Variants in GALNT2 observed in about 807,000 individuals in gnomAD.
The protein encoded by GALNT2 is polypeptide N-acetylgalactosaminyltransferase 2, also known as UDP-GalNAc:polypeptide N-acetylgalactosaminyltransferase 2.
A neutral mutation model predicts 81.4 loss-of-function variants in GALNT2; 31 were observed. The observed-to-expected ratio is 0.38, with a 90% CI of 0.29 to 0.51. The LOEUF (loss-of-function observed/expected upper bound fraction) is 0.51. GALNT2 is among the 20% of genes least tolerant of loss of function. GALNT2 has a pLI of 0.87. For missense variants in GALNT2, 629 were observed against 765.7 expected (o/e 0.82, Z 2.11); for synonymous variants, 303 against 287.4 (o/e 1.05, Z -0.55).
At chr1:230,112,800 T>TGGGGGGGGGGGGGGGG (rs200649766) in intron 1 of GALNT2, among the ~76,000 whole-genome samples, 3 of 75,958 alleles carry the variant, frequency 3.9e-5, no homozygotes, top group Non-Finnish European at 7.8e-5. Context: ...GGCAGGGGGG[T>TGGGGGGGGGGGGGGGG]GGGGGGGACC....
intron 8 of GALNT2, 46 bp downstream of exon 8, chr1:230,246,196 C>A: frequency 7.4e-7 from 1 of 1,347,282 alleles, no homozygotes; most frequent in Non-Finnish European, 1.1e-6. Context: ...CCCGTCTACA[C>A]CAGCATCTGA....
chr1:230,111,175 C>T (rs1263780154), intron 1 of GALNT2, among the ~76,000 whole-genome samples: 1 of 152,232 alleles, frequency 6.6e-6, no homozygotes, highest in Non-Finnish European at 1.5e-5. Context: ...AGCACACATG[C>T]ACACATGCAG....
rs747095568 is a variant in GALNT2, at chr1:230,279,333, C to T, written c.1591C>T (p.Leu531=). The change falls in exon 16 of 16, where the codon CTG becomes TTG. Residue 531 remains leucine, a synonymous_variant. Transcript: ENST00000366672. This position sits in a 1 kb window ranked among gnomAD's most constrained non-coding sequence, Gnocchi z 4.6. ...GGAACAGATCGAGGGCAACTCCAAGCTGAGGCACGTGGGCAGCAACCTGTG... is the reference window on the plus strand; with the variant it reads ...GGAACAGATCGAGGGCAACTCCAAGTTGAGGCACGTGGGCAGCAACCTGTG... ...KWEQIEGNSK[L]RHVGSNLCLD... is the part of the protein sequence containing the mutation. 3.5e-5 allele frequency: 57 copies of T among 1,614,024 alleles called. No individual in the cohort carries two copies. The South Asian group carries it at 5.9e-4, about 17-fold the overall frequency.
chr1:230,138,949 G>A (rs1661641040), intron 1 of GALNT2, among the ~76,000 whole-genome samples: 1 of 152,194 alleles, frequency 6.6e-6, no homozygotes, highest in South Asian at 2.1e-4. Flanking sequence ...CTGACCTCTT[G>A]TCTTATCCTG....
chr1:230,098,819 A>T (rs1660322335), intron 1 of GALNT2, among the ~76,000 whole-genome samples: 1 of 152,186 alleles, frequency 6.6e-6, no homozygotes, highest in African/African-American at 2.4e-5. Flanking sequence ...AGCATCCAAG[A>T]TGGAGTTGCT....
At chr1:230,110,858 A>G (rs1660682118) in intron 1 of GALNT2, among the ~76,000 whole-genome samples, 1 of 152,016 alleles carries the variant, frequency 6.6e-6, no homozygotes, top group South Asian at 2.1e-4. Flanking sequence ...TGGAGTATAT[A>G]GTTTCCTCTG....
intron 15 of GALNT2, 88 bp downstream of exon 15, chr1:230,274,652 C>A: frequency 2.0e-6 from 3 of 1,497,304 alleles, no homozygotes; most frequent in South Asian, 2.6e-5. Context: ...TGCTGCCTCT[C>A]AAAGCATCCA....
At chr1:230,228,560 G>GA (rs774507443) in intron 3 of GALNT2, among the ~76,000 whole-genome samples, 30 of 150,552 alleles carry the variant, frequency 2.0e-4, no homozygotes, top group East Asian at 5.9e-4. Flanking sequence ...TATCTACACA[G>GA]AAAAAAAAAG....
rs992122675 is a variant in GALNT2 at position 230,279,128 on chromosome 1, G to A, written c.1561-175G>A. ...TCCTTCCTGGGTCCCAGCAGCACCT[G>A]TGGCTGGTTTCCTGTGGGGCTGCTG... On this transcript the variant is annotated intron_variant, in intron 15 of 15. Coordinates refer to ENST00000366672, the MANE Select transcript of GALNT2 (RefSeq NM_004481.5). The surrounding 1 kb of genome is among the most constrained non-coding windows in gnomAD (Gnocchi z 4.6). Among the ~76,000 whole-genome samples the A allele has an allele frequency of 6.6e-6, 1 of 152,248 alleles. No individual in the cohort carries two copies. Among genetic ancestry groups the A allele is most frequent in the African/African-American group, 2.4e-5 (1 of 41,472 alleles).
At chr1:230,129,980 G>A (rs530026640) in intron 1 of GALNT2, among the ~76,000 whole-genome samples, 1 of 152,332 alleles carries the variant, frequency 6.6e-6, no homozygotes, top group African/African-American at 2.4e-5. Flanking sequence ...ACGCTGAACG[G>A]GCACAATTGC....
chr1:230,117,936 C>T (rs944832030), intron 1 of GALNT2, among the ~76,000 whole-genome samples: 2 of 152,134 alleles, frequency 1.3e-5, no homozygotes, highest in African/African-American at 4.8e-5. Context: ...TGAAAGCATC[C>T]GCCTCACTCT....
At chr1:230,173,708 G>A (rs1662868750) in intron 1 of GALNT2, among the ~76,000 whole-genome samples, 1 of 152,220 alleles carries the variant, frequency 6.6e-6, no homozygotes, top group Non-Finnish European at 1.5e-5. Context: ...GCACAGCCAG[G>A]ATACCAGTGG....
intron 6 of GALNT2, among the ~76,000 whole-genome samples, chr1:230,240,245 A>G (rs760091997): frequency 2.6e-5 from 4 of 152,160 alleles, no homozygotes; most frequent in South Asian, 2.1e-4. Flanking sequence ...ATTGGAGGCT[A>G]TTTTCTTTCA....
At chr1:230,206,299 A>G (rs1271082715) in intron 3 of GALNT2, among the ~76,000 whole-genome samples, 2 of 152,140 alleles carry the variant, frequency 1.3e-5, no homozygotes, top group Non-Finnish European at 2.9e-5. Flanking sequence ...AGTTTTTGAA[A>G]TATGAGTTTG....
intron 3 of GALNT2, among the ~76,000 whole-genome samples, chr1:230,227,463 A>ATATATATATATGCTATATAATACAGC (rs1190536868): frequency 2.0e-5 from 3 of 149,560 alleles, no homozygotes; most frequent in African/African-American, 7.3e-5. Flanking sequence ...TAATACAGCT[A>ATATATATATATGCTATATAATACAGC]TATATATATA....
chr1:230,211,347 C>T (rs558805383), intron 3 of GALNT2, among the ~76,000 whole-genome samples: 278 of 152,334 alleles, frequency 1.8e-3, no homozygotes, highest in Middle Eastern at 6.8e-3. Context: ...CTTAGCTGTT[C>T]TGGCTTTGTT....
At chr1:230,098,416 GT>G (rs1660311365) in intron 1 of GALNT2, among the ~76,000 whole-genome samples, 1 of 151,982 alleles carries the variant, frequency 6.6e-6, no homozygotes, top group Admixed American at 6.6e-5. Flanking sequence ...ATTGAACACT[GT>G]TTTGCGAAAG....
intron 1 of GALNT2, among the ~76,000 whole-genome samples, chr1:230,128,703 G>A (rs935883186): frequency 6.6e-6 from 1 of 152,180 alleles, no homozygotes; most frequent in Non-Finnish European, 1.5e-5. Context: ...GAGCCTGAGT[G>A]TTGGCTGGGA....
In GALNT2 at chr1:230,271,170, G is replaced by C. The variant is rs1666150474; in HGVS notation, c.1441-3275G>C. Among the ~76,000 whole-genome samples, 1 of 152,180 alleles carries C rather than the reference G, an allele frequency of 6.6e-6. No homozygotes were observed. The highest frequency in any genetic ancestry group is 1.5e-5 in the Non-Finnish European group (1 of 68,034). ...GTGTACCACAGTTTCACACATCCTGGTGGTGTCCCCAGCCCCTGTGAGTGC... is the reference window on the plus strand; with the variant it reads ...GTGTACCACAGTTTCACACATCCTGCTGGTGTCCCCAGCCCCTGTGAGTGC... On this transcript the variant is annotated intron_variant, in intron 14 of 15. Transcript: ENST00000366672. This position sits in a 1 kb window ranked among gnomAD's most constrained non-coding sequence, Gnocchi z 4.2.
Sources: allele counts gnomAD v4.1 joint callset (sites outside exome capture counted in the v4.1 genomes callset), GRCh38; gene constraint gnomAD v4.1.1; non-coding constraint Gnocchi (gnomAD v3.1); transcripts MANE v1.5; gene names NCBI Gene and HGNC (gene_info 2026-07-23, HGNC 2026-07-21).